Variants in TSHZ3 observed in about 807,000 individuals in gnomAD.
TSHZ3 encodes teashirt zinc finger homeobox 3.
TSHZ3 carries 10 observed loss-of-function variants against 64.5 expected under a neutral mutation model. The ratio of observed to expected loss-of-function variants is 0.16; its 90% CI spans 0.10 to 0.26. TSHZ3 has a LOEUF of 0.26. Among genes scored for constraint, TSHZ3 ranks in the 10% least tolerant of loss-of-function variants. TSHZ3 has a pLI of 1.00. For missense variants in TSHZ3, 1,242 were observed against 1,421.7 expected, an observed-to-expected ratio of 0.87 and a Z score of 2.03; for synonymous variants, 608 against 593.1, an observed-to-expected ratio of 1.03 and a Z score of -0.36.
intron 6 of TSHZ3, among the ~76,000 whole-genome samples, chr19:31,152,551 G>C (rs998983137): frequency 1.3e-5 from 2 of 152,146 alleles, no homozygotes; most frequent in African/African-American, 4.8e-5. Context: ...TAACATGACT[G>C]AGTATTCAAG....
chr19:31,220,229 T>C (rs1975380464), intron 4 of TSHZ3, among the ~76,000 whole-genome samples: 1 of 152,224 alleles, frequency 6.6e-6, no homozygotes, highest in Non-Finnish European at 1.5e-5. Flanking sequence ...GCTGCAACTT[T>C]AAGAGGAAGG....
downstream of TSHZ3, among the ~76,000 whole-genome samples, chr19:31,271,452 G>T (rs893868791): frequency 6.6e-6 from 1 of 152,130 alleles, no homozygotes; most frequent in Non-Finnish European, 1.5e-5. Context: ...TCCAGCCCTC[G>T]GCTGCAACAA....
At chr19:31,183,396 A>G (rs1974754608) in intron 5 of TSHZ3, among the ~76,000 whole-genome samples, 1 of 152,326 alleles carries the variant, frequency 6.6e-6, no homozygotes, top group Admixed American at 6.5e-5. Flanking sequence ...GATATGTTGC[A>G]TGAAAAATGG....
chr19:31,196,532 CAG>C (rs568152266), intron 5 of TSHZ3, among the ~76,000 whole-genome samples: 85 of 151,872 alleles, frequency 5.6e-4, no homozygotes, highest in Non-Finnish European at 1.0e-3. Context: ...GACACATTGC[CAG>C]AGTGGATCAA....
intron 1 of TSHZ3, among the ~76,000 whole-genome samples, chr19:31,284,978 G>C (rs1298091031): frequency 6.6e-6 from 1 of 152,218 alleles, no homozygotes; most frequent in Non-Finnish European, 1.5e-5. Flanking sequence ...AAGCAGATGT[G>C]CTGGGGTGAG....
intron 1 of TSHZ3, among the ~76,000 whole-genome samples, chr19:31,331,461 C>T (rs1195222632): frequency 2.0e-5 from 3 of 152,096 alleles, no homozygotes; most frequent in Admixed American, 6.5e-5. Context: ...TGCACTCATA[C>T]AACCACCAAA....
intron 4 of TSHZ3, among the ~76,000 whole-genome samples, chr19:31,207,968 G>A (rs899184110): frequency 6.6e-6 from 1 of 152,188 alleles, no homozygotes; most frequent in Admixed American, 6.5e-5. Context: ...CAAGCTCCTT[G>A]TTCTAAAACC....
At chr19:31,157,122 CTT>C (rs897819503) in intron 5 of TSHZ3, among the ~76,000 whole-genome samples, 1 of 152,006 alleles carries the variant, frequency 6.6e-6, no homozygotes, top group Non-Finnish European at 1.5e-5. Context: ...GGGAATTTAA[CTT>C]AAAGAAACTC....
chr19:31,175,615 G>A (rs959390574), intron 5 of TSHZ3, among the ~76,000 whole-genome samples: 6 of 152,224 alleles, frequency 3.9e-5, no homozygotes, highest in African/African-American at 1.4e-4. Context: ...CTCCTTGGCA[G>A]GGTCTTCAGG....
At chr19:31,281,119 C>T (rs1465307598) in intron 1 of TSHZ3, among the ~76,000 whole-genome samples, 1 of 152,110 alleles carries the variant, frequency 6.6e-6, no homozygotes, top group East Asian at 1.9e-4. Context: ...AATTGCAAGG[C>T]TGATTTCTAC....
At chr19:31,339,904 T>TA (rs35723828) in intron 1 of TSHZ3, among the ~76,000 whole-genome samples, 64,811 of 144,966 alleles carry the variant, frequency 0.45, 18,218 homozygotes, top group African/African-American at 0.81. Flanking sequence ...AAATTGACTT[T>TA]AAAAAAAAAA....
At chr19:31,249,532 C>A (rs796732600) in intron 1 of TSHZ3, among the ~76,000 whole-genome samples, 2 of 152,260 alleles carry the variant, frequency 1.3e-5, no homozygotes, top group African/African-American at 4.8e-5. Flanking sequence ...CACACACACA[C>A]TCTCCAAAGG....
rs1452834359 is a variant in TSHZ3, at chr19:31,277,821, C to T, written c.1972G>A (p.Ala658Thr). 2 of 1,563,872 alleles carry T rather than the reference C, an allele frequency of 1.3e-6. No homozygotes were observed. Among genetic ancestry groups the T allele is most frequent in the Admixed American group, 3.7e-5 (2 of 53,438 alleles). ...SEVGEPIKME[A>T]SSDGGFRSQE... is the part of the protein sequence containing the mutation. ...CTGCGGAAGCCCCCATCGCTGGATG[C>T]CTCCATCTTGATGGGTTCCCCGACT... The change falls in exon 2 of 2, where the codon GCA (alanine) becomes ACA (threonine). Residue 658 changes from alanine to threonine, a missense_variant. Physicochemically the swap from Ala to Thr is moderately conservative, Grantham distance 58. Transcript: ENST00000240587. This position sits in a 1 kb window ranked among gnomAD's most constrained non-coding sequence, Gnocchi z 4.5.
intron 5 of TSHZ3, among the ~76,000 whole-genome samples, chr19:31,183,222 C>T (rs562790670): frequency 0.074 from 3,450 of 46,600 alleles, 43 homozygotes; most frequent in South Asian, 0.11. Flanking sequence ...CTCTCTCTCT[C>T]TCTCTTTCTC....
chr19:31,191,249 T>C (rs1974901658), intron 5 of TSHZ3, among the ~76,000 whole-genome samples: 1 of 152,156 alleles, frequency 6.6e-6, no homozygotes, highest in Non-Finnish European at 1.5e-5. Flanking sequence ...TACAGCCAAA[T>C]TGCTAAAAAT....
At chr19:31,322,105 T>C (rs1048588151) in intron 1 of TSHZ3, among the ~76,000 whole-genome samples, 1 of 152,196 alleles carries the variant, frequency 6.6e-6, no homozygotes, top group Non-Finnish European at 1.5e-5. Context: ...CTTGTGTTAG[T>C]TTGCTAAGAA....
At chr19:31,185,067 A>T (rs535313779) in intron 5 of TSHZ3, among the ~76,000 whole-genome samples, 1 of 150,642 alleles carries the variant, frequency 6.6e-6, no homozygotes, top group Non-Finnish European at 1.5e-5. Flanking sequence ...TTGAAGGTAA[A>T]AATTTTATGT....
At chr19:31,156,881 C>T (rs1243775917) in intron 5 of TSHZ3, among the ~76,000 whole-genome samples, 8 of 152,114 alleles carry the variant, frequency 5.3e-5, no homozygotes, top group Admixed American at 2.0e-4. Context: ...AAAGTTACGG[C>T]ACTGAGAAGG....
intron 5 of TSHZ3, among the ~76,000 whole-genome samples, chr19:31,192,643 G>T (rs758340674): frequency 2.0e-5 from 3 of 152,052 alleles, no homozygotes; most frequent in Non-Finnish European, 4.4e-5. Context: ...ATCCAACATT[G>T]TTTTGGGGCC....
Sources: allele counts gnomAD v4.1 joint callset (sites outside exome capture counted in the v4.1 genomes callset), GRCh38; gene constraint gnomAD v4.1.1; non-coding constraint Gnocchi (gnomAD v3.1); transcripts MANE v1.5; gene names NCBI Gene and HGNC (gene_info 2026-07-23, HGNC 2026-07-21).